AGBL4: variants seen among roughly 807,000 people sequenced by gnomAD.
AGBL4 encodes cytosolic carboxypeptidase 6.
Under a neutral mutation model 66.4 loss-of-function variants are expected in AGBL4, and 58 were observed. The ratio of observed to expected loss-of-function variants is 0.87; its 90% CI spans 0.71 to 1.09. The LOEUF (loss-of-function observed/expected upper bound fraction) is 1.09, where lower values mean the gene tolerates loss of function less well. AGBL4 is among the 50% of genes least tolerant of loss of function. The pLI is 0.00. For missense variants in AGBL4, 579 were observed against 631.0 expected, an observed-to-expected ratio of 0.92 and a Z score of 0.88; for synonymous variants, 234 against 222.9, an observed-to-expected ratio of 1.05 and a Z score of -0.44.
chr1:49,696,521 T>C (rs1045799435), intron 3 of AGBL4, among the ~76,000 whole-genome samples: 2 of 152,044 alleles, frequency 1.3e-5, no homozygotes, highest in Non-Finnish European at 2.9e-5. Context: ...TGGAAAATAA[T>C]AGTTTTTCAT....
intron 2 of AGBL4, among the ~76,000 whole-genome samples, chr1:49,842,801 T>C (rs1171789867): frequency 6.6e-6 from 1 of 152,176 alleles, no homozygotes; most frequent in Non-Finnish European, 1.5e-5. Flanking sequence ...ACTTGAAGCC[T>C]GAGCCATGAG....
chr1:49,528,171 TTCTG>T (rs1650816112), intron 3 of AGBL4, among the ~76,000 whole-genome samples: 1 of 152,030 alleles, frequency 6.6e-6, no homozygotes, highest in Admixed American at 6.6e-5. Flanking sequence ...GGTCACCACA[TTCTG>T]TCTTGGGCAA....
chr1:49,389,099 T>C (rs922850669), intron 3 of AGBL4, among the ~76,000 whole-genome samples: 1 of 152,116 alleles, frequency 6.6e-6, no homozygotes, highest in Admixed American at 6.5e-5. Flanking sequence ...AGAATTGGCT[T>C]GCTTGAAGGT....
chr1:49,170,791 T>C (rs1322319610), intron 4 of AGBL4, among the ~76,000 whole-genome samples: 8 of 152,056 alleles, frequency 5.3e-5, no homozygotes, highest in African/African-American at 9.7e-5. Context: ...GTTATCTATT[T>C]CTATATGACA....
intron 3 of AGBL4, among the ~76,000 whole-genome samples, chr1:49,591,554 C>A (rs1283628027): frequency 6.6e-6 from 1 of 152,058 alleles, no homozygotes; most frequent in Non-Finnish European, 1.5e-5. Context: ...ATCAAACTAC[C>A]AATGACATTC....
At chr1:49,721,520 G>A (rs1648609478) in intron 2 of AGBL4, among the ~76,000 whole-genome samples, 1 of 152,142 alleles carries the variant, frequency 6.6e-6, no homozygotes, top group South Asian at 2.1e-4. Context: ...GGGATATTAG[G>A]ACAAGTTGCT....
At chr1:49,311,233 T>C (rs1394572783) in intron 3 of AGBL4, among the ~76,000 whole-genome samples, 1 of 152,072 alleles carries the variant, frequency 6.6e-6, no homozygotes, top group African/African-American at 2.4e-5. Flanking sequence ...TGAGTCTCAA[T>C]GATCCTTAAA....
intron 3 of AGBL4, among the ~76,000 whole-genome samples, chr1:49,326,935 G>T (rs1159052553): frequency 2.6e-5 from 4 of 152,098 alleles, no homozygotes; most frequent in African/African-American, 9.7e-5. Flanking sequence ...GGGCTCTAGG[G>T]GAGAATCTGT....
intron 4 of AGBL4, among the ~76,000 whole-genome samples, chr1:49,129,794 A>G (rs1645850237): frequency 6.6e-6 from 1 of 152,148 alleles, no homozygotes; most frequent in Non-Finnish European, 1.5e-5. Flanking sequence ...GTGTCTTTAT[A>G]GCAGCATGAT....
chr1:49,910,849 G>A (rs771747474), intron 1 of AGBL4, among the ~76,000 whole-genome samples: 14 of 152,150 alleles, frequency 9.2e-5, no homozygotes, highest in South Asian at 2.1e-4. Flanking sequence ...GGCGGCATGC[G>A]TCTGTAGTCC....
In AGBL4 at chr1:49,917,455, T is replaced by G. The variant is rs566121045; in HGVS notation, c.35-65937A>C. Among the ~76,000 whole-genome samples the G allele has an allele frequency of 5.3e-5, 8 of 151,972 alleles. No homozygotes were observed. The East Asian group carries it at 1.5e-3, about 29-fold the overall frequency. On this transcript the variant is annotated intron_variant, in intron 1 of 13. Transcript: ENST00000371839. ...AATCCTACTGTCCGATAAAACAGAC[T>G]TTAAACCAACAAAGATCAAAAGAGA...
At chr1:48,966,900 T>C (rs1455759007) in intron 5 of AGBL4, among the ~76,000 whole-genome samples, 5 of 152,050 alleles carry the variant, frequency 3.3e-5, no homozygotes, top group Non-Finnish European at 5.9e-5. Flanking sequence ...GGAGTCCAAT[T>C]CAGGTCACAT....
chr1:49,738,859 G>A (rs968653877), intron 2 of AGBL4, among the ~76,000 whole-genome samples: 2 of 152,164 alleles, frequency 1.3e-5, no homozygotes, highest in African/African-American at 4.8e-5. Context: ...CTGTTAGAAG[G>A]AAAACTAACA....
chr1:48,874,090 C>T (rs1172925846), intron 5 of AGBL4, among the ~76,000 whole-genome samples: 1 of 152,156 alleles, frequency 6.6e-6, no homozygotes, highest in Non-Finnish European at 1.5e-5. Context: ...TAAATAAGAA[C>T]ACCAGTAATC....
intron 1 of AGBL4, among the ~76,000 whole-genome samples, chr1:49,905,156 T>C (rs1650151557): frequency 6.6e-6 from 1 of 152,186 alleles, no homozygotes; most frequent in Admixed American, 6.5e-5. Context: ...ATATAACTTA[T>C]ATAGGAATCC....
intron 3 of AGBL4, among the ~76,000 whole-genome samples, chr1:49,590,700 T>C (rs1270901228): frequency 6.6e-6 from 1 of 152,084 alleles, no homozygotes; most frequent in Non-Finnish European, 1.5e-5. Context: ...GAAACTTCAG[T>C]CCATTTCAAA....
At chr1:48,799,677 C>T (rs181472225) in intron 6 of AGBL4, among the ~76,000 whole-genome samples, 13 of 152,226 alleles carry the variant, frequency 8.5e-5, no homozygotes, top group African/African-American at 3.1e-4. Flanking sequence ...CACTTCTATG[C>T]TGATTTTGCT....
At position 49,834,553 on chromosome 1, in the gene AGBL4, G is replaced by GT. The variant is rs1238427348; in HGVS notation, c.157+16842dup. ...AATCAGTTCATGGATTCATTGAAGG[G>GT]TTTTTTGTGTCTTGATCTCCTTCAG... On this transcript the variant is annotated intron_variant, in intron 2 of 13. Transcript: ENST00000371839. Among the ~76,000 whole-genome samples the GT allele has an allele frequency of 1.6e-4, 24 of 151,626 alleles. No homozygotes were observed. The East Asian group carries it at 3.9e-3, about 25-fold the overall frequency.
In AGBL4 at chr1:49,214,671, C is replaced by T. The variant is rs1185895168; in HGVS notation, c.377+31099G>A. Among the ~76,000 whole-genome samples, 4 of 152,100 alleles carry T rather than the reference C, an allele frequency of 2.6e-5. No individual in the cohort carries two copies. In the East Asian group the frequency reaches 7.7e-4, roughly 29 times the overall value. On this transcript the variant is annotated intron_variant, in intron 4 of 13. Transcript: ENST00000371839. ...AATTGCTTAGGTTCCCCCACTTATC[C>T]TTATATCCAGACACGTTGGAGACTA...
Sources: allele counts gnomAD v4.1 joint callset (sites outside exome capture counted in the v4.1 genomes callset), GRCh38; gene constraint gnomAD v4.1.1; transcripts MANE v1.5; gene names NCBI Gene and HGNC (gene_info 2026-07-23, HGNC 2026-07-21).